DIAPH2: variants seen among roughly 807,000 people sequenced by gnomAD.
DIAPH2 encodes the protein protein diaphanous homolog 2.
DIAPH2 carries 35 observed loss-of-function variants against 92.7 expected under a neutral mutation model. That is an observed-to-expected ratio of 0.38 (90% CI 0.29 to 0.50). DIAPH2 has a LOEUF of 0.50. Among genes scored for constraint, DIAPH2 ranks in the 20% least tolerant of loss-of-function variants. The probability of loss-of-function intolerance (pLI) is 0.94; values close to 1 mark genes in which losing one functional copy is unlikely to be tolerated. For missense variants in DIAPH2, 701 were observed against 819.5 expected, an observed-to-expected ratio of 0.86 and a Z score of 1.77; for synonymous variants, 301 against 280.4, an observed-to-expected ratio of 1.07 and a Z score of -0.73.
intron 22 of DIAPH2, among the ~76,000 whole-genome samples, chrX:97,158,572 C>T (rs1373464612): frequency 1.8e-5 from 2 of 112,199 alleles, no homozygotes; most frequent in Non-Finnish European, 3.8e-5. Flanking sequence ...CTTTCTGACT[C>T]AAGTGCTTGG....
chrX:96,912,477 A>G lies in DIAPH2; in HGVS notation c.663-6A>G, dbSNP rs761245813. 1.1e-5 allele frequency: 13 copies of G among 1,199,825 alleles called. No individual in the cohort carries two copies. The highest frequency in any genetic ancestry group is 1.5e-5 in the Non-Finnish European group (13 of 890,657). On this transcript the variant is annotated splice_polypyrimidine_tract_variant and splice_region_variant and intron_variant, in intron 6 of 26. Transcript: ENST00000324765. Reference sequence around the variant, plus strand: ...ACAACATAATATACATTTTTCTTTTATTTAGGCAAGAAAATATTGACAAGA... The same window carrying G: ...ACAACATAATATACATTTTTCTTTTGTTTAGGCAAGAAAATATTGACAAGA...
At chrX:96,772,319 G>A (rs936472290) in intron 4 of DIAPH2, among the ~76,000 whole-genome samples, 2 of 111,545 alleles carry the variant, frequency 1.8e-5, no homozygotes, top group Non-Finnish European at 3.8e-5. Flanking sequence ...CTGTAGGTTC[G>A]TGCATCAGTT....
chrX:96,872,493 CT>C (rs752843624), intron 4 of DIAPH2, among the ~76,000 whole-genome samples: 236 of 95,399 alleles, frequency 2.5e-3, no homozygotes, highest in African/African-American at 4.0e-3. Context: ...TTTTCTTTTT[CT>C]TTTTTTTTTT....
At chrX:97,004,540 T>C (rs1227752134) in intron 17 of DIAPH2, among the ~76,000 whole-genome samples, 1 of 111,405 alleles carries the variant, frequency 9.0e-6, no homozygotes, top group African/African-American at 3.3e-5. Flanking sequence ...GGTTAATTCC[T>C]AGATATTTTA....
intron 4 of DIAPH2, among the ~76,000 whole-genome samples, chrX:96,825,533 A>G (rs1445970931): frequency 9.1e-6 from 1 of 110,335 alleles, no homozygotes; most frequent in Non-Finnish European, 1.9e-5. Context: ...TGTGTAAGTC[A>G]GTTTATCAAA....
chrX:96,703,760 AT>A (rs1331234570), intron 1 of DIAPH2, among the ~76,000 whole-genome samples: 1 of 111,437 alleles, frequency 9.0e-6, no homozygotes, highest in Non-Finnish European at 1.9e-5. Context: ...GTTATCATGA[AT>A]TTTTTTTCCG....
At chrX:97,083,498 T>C (rs1389390864) in intron 19 of DIAPH2, among the ~76,000 whole-genome samples, 1 of 111,358 alleles carries the variant, frequency 9.0e-6, no homozygotes, top group African/African-American at 3.3e-5. Context: ...TTGGGCCCAT[T>C]TTTCTCTCTC....
intron 4 of DIAPH2, among the ~76,000 whole-genome samples, chrX:96,832,946 A>G (rs2064864799): frequency 8.9e-6 from 1 of 112,002 alleles, no homozygotes; most frequent in Non-Finnish European, 1.9e-5. Flanking sequence ...TTTGCGAACA[A>G]TGGAAGAAGT....
At chrX:97,465,921 C>A (rs1352595957) in intron 26 of DIAPH2, among the ~76,000 whole-genome samples, 1 of 111,596 alleles carries the variant, frequency 9.0e-6, no homozygotes, top group African/African-American at 3.3e-5. Context: ...CTCCTGACCT[C>A]AGGTGATCCA....
intron 17 of DIAPH2, among the ~76,000 whole-genome samples, chrX:96,978,150 A>C (rs1015976856): frequency 8.9e-6 from 1 of 112,003 alleles, no homozygotes; most frequent in East Asian, 2.8e-4. Flanking sequence ...AAGAAGAATA[A>C]GAGATTTGTC....
intron 17 of DIAPH2, among the ~76,000 whole-genome samples, chrX:97,037,065 A>G (rs1158922676): frequency 1.8e-5 from 2 of 111,566 alleles, no homozygotes; most frequent in African/African-American, 6.5e-5. Flanking sequence ...TTGAAGTTAC[A>G]CAACTTTTAA....
intron 21 of DIAPH2, among the ~76,000 whole-genome samples, chrX:97,137,221 G>A (rs1440877291): frequency 2.2e-4 from 22 of 98,003 alleles, no homozygotes; most frequent in African/African-American, 7.4e-4. Flanking sequence ...TTTGGCCTTT[G>A]TAGTCAACCT....
intron 19 of DIAPH2, among the ~76,000 whole-genome samples, chrX:97,080,582 G>A (rs1339776294): frequency 9.3e-6 from 1 of 107,844 alleles, no homozygotes; most frequent in East Asian, 2.9e-4. Flanking sequence ...GTTGCTACAC[G>A]ATTATGTTTT....
chrX:97,047,632 G>A (rs919158827), intron 17 of DIAPH2, among the ~76,000 whole-genome samples: 10 of 85,502 alleles, frequency 1.2e-4, no homozygotes. Flanking sequence ...GCTCAAGTTA[G>A]CCAAGTATAT....
intron 23 of DIAPH2, among the ~76,000 whole-genome samples, chrX:97,275,481 T>C (rs770354614): frequency 3.8e-4 from 31 of 81,574 alleles, no homozygotes; most frequent in African/African-American, 6.6e-4. Flanking sequence ...ACTTCCCAGA[T>C]GGGGCGGCTG....
Position 96,903,894 on chromosome X carries a change from C to A in DIAPH2, c.588-8434C>A, listed in dbSNP as rs182927275. On this transcript the variant is annotated intron_variant, in intron 5 of 26. Coordinates refer to ENST00000324765, the MANE Select transcript of DIAPH2 (RefSeq NM_006729.5). ...GAAATTGATTTTAATAAATAAGGAA[C>A]TTTTATCCTTTTAGAGAGTGTTTAC... 1.5e-3 allele frequency among the ~76,000 whole-genome samples: 163 copies of A among 112,182 alleles called. 2 individuals carry two copies. Among genetic ancestry groups the A allele is most frequent in the Admixed American group, 0.014 (150 of 10,628 alleles).
At chrX:97,221,012 G>A (rs1410667203) in intron 22 of DIAPH2, among the ~76,000 whole-genome samples, 20 of 111,274 alleles carry the variant, frequency 1.8e-4, no homozygotes, top group Non-Finnish European at 3.6e-4. Context: ...AGCAAATATT[G>A]TTAAAAACAG....
chrX:96,715,254 A>G, intron 1 of DIAPH2, among the ~76,000 whole-genome samples: 1 of 111,727 alleles, frequency 9.0e-6, no homozygotes, highest in Non-Finnish European at 1.9e-5. Context: ...ATTTCTGATA[A>G]TCATTTGATT....
chrX:96,790,997 C>G (rs1193474232), intron 4 of DIAPH2, among the ~76,000 whole-genome samples: 16 of 111,839 alleles, frequency 1.4e-4, no homozygotes, highest in Non-Finnish European at 9.4e-5. Flanking sequence ...CTTTCTCCCC[C>G]CTTTTAGTTG....
Sources: gnomAD v4.1 joint callset for allele counts (sites outside exome capture counted in the v4.1 genomes callset) on GRCh38, gnomAD v4.1.1 for gene constraint, MANE v1.5 for transcripts, NCBI Gene and HGNC (gene_info 2026-07-23, HGNC 2026-07-21) for gene names.